Variants in AADAC observed in about 807,000 individuals in gnomAD.
AADAC encodes arylacetamide deacetylase, also known as arylacetamide deacetylase (esterase).
A neutral mutation model predicts 22.7 loss-of-function variants in AADAC; 17 were observed. The observed-to-expected ratio is 0.75, with a 90% confidence interval of 0.51 to 1.12. The LOEUF is 1.12. Among genes scored for constraint, AADAC ranks in the 50% most tolerant of loss-of-function variants. The pLI is 0.00. For missense variants in AADAC, 465 were observed against 473.9 expected (o/e 0.98, Z 0.17); for synonymous variants, 167 against 176.3 (o/e 0.95, Z 0.42).
rs187244064 is a variant in AADAC, at chr3:151,824,112, T to C, written c.432-551T>C. On this transcript the variant is annotated intron_variant, in intron 3 of 4. Transcript: ENST00000232892. The stretch of plus-strand genomic sequence containing the variant: ...AGCCCTTGCAACCATCTTTTCACTC[T>C]GATTCTATGAATTTGACTATTTTAG... Among the ~76,000 whole-genome samples, 9 of 152,126 alleles carry C rather than the reference T, an allele frequency of 5.9e-5. No individual in the cohort carries two copies. The East Asian group carries it at 1.7e-3, about 29-fold the overall frequency.
intron 2 of AADAC, among the ~76,000 whole-genome samples, 176 bp downstream of exon 2, chr3:151,817,764 T>C (rs16863681): frequency 6.6e-6 from 1 of 151,978 alleles, no homozygotes; most frequent in African/African-American, 2.4e-5. Context: ...CTTTTCCACA[T>C]ATGCATTTCC....
intron 2 of AADAC, among the ~76,000 whole-genome samples, chr3:151,819,639 T>G (rs561332505): frequency 6.6e-6 from 1 of 151,992 alleles, no homozygotes; most frequent in Non-Finnish European, 1.5e-5. Flanking sequence ...TAGAAATATG[T>G]TAGCCAAGTA....
rs1264002804 is a variant in AADAC, at chr3:151,827,711, G to A, written c.739G>A (p.Val247Ile). 6.2e-7 allele frequency: 1 copy of A among 1,612,916 alleles called. No individual in the cohort carries two copies. The highest frequency in any genetic ancestry group is 1.3e-5 in the African/African-American group (1 of 74,922). Residue 247 changes from valine (V) to isoleucine (I), a missense_variant, in exon 5 of 5, where the codon GTC (valine) becomes ATC (isoleucine). Physicochemically the swap from Val to Ile is conservative, Grantham distance 29. Coordinates refer to ENST00000232892, the MANE Select transcript of AADAC (RefSeq NM_001086.3). ...NFLFLSKSLM[V>I]RFWSEYFTTD... is the part of the protein sequence containing the mutation. ...TCTATTTCTATCCAAATCACTCATG[G>A]TCAGATTCTGGAGTGAATATTTTAC... is the stretch of plus-strand genomic sequence containing the variant.
Position 151,820,519 on chromosome 3 carries a change from T to TTC in AADAC, c.431+68_431+69insCT. 4 of 882,460 alleles carry TTC rather than the reference T, an allele frequency of 4.5e-6. No homozygotes were observed. The East Asian group carries it at 1.1e-4, about 25-fold the overall frequency. 54.7% of individuals were successfully genotyped at this position (882,460 alleles called of 1,614,324 possible). On this transcript the variant is annotated intron_variant, in intron 3 of 4. Coordinates refer to ENST00000232892, the MANE Select transcript of AADAC (RefSeq NM_001086.3). ...ATGCCAAGATTTTCTCAGCTTTCTT[T>TTC]TTTTTTTTTTTTTTTTGTGATGGAG...
At chr3:151,824,606 A>G in intron 3 of AADAC, 57 bp from the exon 4 acceptor site, 1 of 1,305,652 alleles carries the variant, frequency 7.7e-7, no homozygotes, top group Non-Finnish European at 9.9e-7. Context: ...CCAATAATAT[A>G]TTACAGTCTA....
At position 151,827,818 on chromosome 3, in the gene AADAC, T is replaced by C. The variant is rs146990427; in HGVS notation, c.846T>C (p.Asn282=). The change falls in exon 5 of 5, where the codon AAT becomes AAC. Residue 282 remains asparagine (N), a synonymous_variant. Transcript: ENST00000232892. The part of the protein sequence containing the change: ...VESSHLFKFV[N]WSSLLPERFI... ...CAAGTCATCTCTTCAAATTTGTTAA[T>C]TGGAGTTCCCTGCTCCCTGAGAGGT... 1.9e-6 allele frequency: 3 copies of C among 1,613,298 alleles called. No homozygotes were observed. In the South Asian group the frequency reaches 3.3e-5, roughly 18 times the overall value.
In AADAC at chr3:151,817,427, G is replaced by A. The variant is rs377556516; in HGVS notation, c.200G>A (p.Ser67Asn). 5.6e-6 allele frequency: 9 copies of A among 1,613,620 alleles called. 2 individuals carry two copies. The highest frequency in any genetic ancestry group is 1.7e-5 in the Admixed American group (1 of 59,974). ...HFMDSFKVVG[S>N]FDEVPPTSDE... ...ATGGATTCCTTTAAGGTTGTCGGGA[G>A]CTTTGATGAAGTCCCACCAACCTCA... Residue 67 changes from serine to asparagine, a missense_variant, in exon 2 of 5, where the codon AGC (serine) becomes AAC (asparagine). Ser to Asn is a conservative substitution (Grantham distance 46). Coordinates refer to ENST00000232892, the MANE Select transcript of AADAC (RefSeq NM_001086.3).
intron 3 of AADAC, among the ~76,000 whole-genome samples, chr3:151,822,129 C>G (rs1298278420): frequency 6.6e-6 from 1 of 151,728 alleles, no homozygotes; most frequent in African/African-American, 2.4e-5. Context: ...CAATGAAATA[C>G]CACTTCACAC....
rs1716398266 is a variant in AADAC, at chr3:151,824,656, T to C, written c.432-7T>C. ...AAAAATGTGTAAACTATGTTTTCTCTCTACAGCTACAGATTAGCACCTAAG... is the reference window on the plus strand; with the variant it reads ...AAAAATGTGTAAACTATGTTTTCTCCCTACAGCTACAGATTAGCACCTAAG... On this transcript the variant is annotated splice_region_variant and splice_polypyrimidine_tract_variant and intron_variant, in intron 3 of 4. Transcript: ENST00000232892. The C allele has an allele frequency of 6.5e-7, 1 of 1,528,682 alleles. No individual in the cohort carries two copies. The highest frequency in any genetic ancestry group is 8.8e-7 in the Non-Finnish European group (1 of 1,139,754). 94.7% of individuals were successfully genotyped at this position (1,528,682 alleles called of 1,614,324 possible). A position where few individuals can be genotyped will look rare whatever the true frequency, so the allele number is the denominator to read the frequency against.
intron 3 of AADAC, among the ~76,000 whole-genome samples, chr3:151,820,696 T>TTTTTTTTTTTTTTTTTTTTTTTTGAGA (rs1448106031): frequency 1.1e-5 from 1 of 90,988 alleles, no homozygotes; most frequent in African/African-American, 3.9e-5. Flanking sequence ...TTTTTTATTT[T>TTTTTTTTTTTTTTTTTTTTTTTTGAGA]CGGTAGAGAT....
chr3:151,820,478 T>G (rs1716196043), intron 3 of AADAC, 26 bp downstream of exon 3: 1 of 1,413,018 alleles, frequency 7.1e-7, no homozygotes, highest in Non-Finnish European at 9.5e-7. Flanking sequence ...TTTGGTTTCC[T>G]GGCCAGATGT....
chr3:151,822,232 G>C lies in AADAC; in HGVS notation c.431+1780G>C, dbSNP rs934348895. ...ATCAGAATCCTCTATACTGCTGGTGGGAATAAACACTTCGGCAGCTCCTTA... is the reference window on the plus strand; with the variant it reads ...ATCAGAATCCTCTATACTGCTGGTGCGAATAAACACTTCGGCAGCTCCTTA... On this transcript the variant is annotated intron_variant, in intron 3 of 4. Transcript: ENST00000232892. Among the ~76,000 whole-genome samples the C allele has an allele frequency of 2.6e-5, 4 of 151,860 alleles. No homozygotes were observed. The East Asian group carries it at 7.7e-4, about 29-fold the overall frequency.
chr3:151,828,113 C>T lies in AADAC; in HGVS notation c.1141C>T (p.Leu381Phe), dbSNP rs1716587285. The T allele has an allele frequency of 6.2e-7, 1 of 1,608,142 alleles. No homozygotes were observed. Among genetic ancestry groups the T allele is most frequent in the Non-Finnish European group, 8.5e-7 (1 of 1,176,124 alleles). Residue 381 changes from leucine (L) to phenylalanine (F), a missense_variant, in exon 5 of 5, where the codon CTT (leucine) becomes TTT (phenylalanine). Transcript: ENST00000232892. The part of the protein sequence containing the change: ...GFHGAFSFLG[L>F]KISHRLINQY... ...CCATGGAGCATTTTCATTTCTGGGA[C>T]TTAAAATTAGTCACAGACTTATAAA...
chr3:151,815,627 C>T (rs541900565), intron 1 of AADAC, among the ~76,000 whole-genome samples: 9 of 151,524 alleles, frequency 5.9e-5, no homozygotes, highest in Non-Finnish European at 1.2e-4. Flanking sequence ...TTTATTTAAG[C>T]AATTATATAT....
At position 151,828,386 on chromosome 3, in the gene AADAC, AC is replaced by A; in HGVS notation, c.*215del. The A allele has an allele frequency of 3.1e-6, 1 of 322,852 alleles. No individual in the cohort carries two copies. The highest frequency in any genetic ancestry group is 5.6e-6 in the Non-Finnish European group (1 of 178,420). 20.0% of individuals were successfully genotyped at this position (322,852 alleles called of 1,614,324 possible). On this transcript the variant is annotated 3_prime_UTR_variant, in exon 5 of 5. Transcript: ENST00000232892. Reference sequence around the variant, plus strand: ...CTTTTTCTGAGATTTTCCTTCTTACACTGTTAATCTTATTTTAAAAAATATT... The same window carrying A: ...CTTTTTCTGAGATTTTCCTTCTTACATGTTAATCTTATTTTAAAAAATATT...
chr3:151,827,687 C>A lies in AADAC; in HGVS notation c.715C>A (p.Leu239Ile). ...GTCATATCAAGAAAATTCAAATTTT[C>A]TATTTCTATCCAAATCACTCATGGT... ...LPSYQENSNF[L>I]FLSKSLMVRF... Residue 239 changes from leucine to isoleucine, a missense_variant, in exon 5 of 5, where the codon CTA (leucine) becomes ATA (isoleucine). Physicochemically the swap from Leu to Ile is conservative, Grantham distance 5. Transcript: ENST00000232892. 3.1e-6 allele frequency: 5 copies of A among 1,612,712 alleles called. No individual in the cohort carries two copies. The highest frequency in any genetic ancestry group is 4.2e-6 in the Non-Finnish European group (5 of 1,179,062).
At chr3:151,820,163 G>A (rs1016260908) in intron 2 of AADAC, among the ~76,000 whole-genome samples, 5 of 152,006 alleles carry the variant, frequency 3.3e-5, no homozygotes, top group African/African-American at 1.2e-4. Flanking sequence ...AAAGATAAAA[G>A]GGAGGAAGAG....
At position 151,820,404 on chromosome 3, in the gene AADAC, T is replaced by C. The variant is rs1470625793; in HGVS notation, c.383T>C (p.Leu128Pro). The C allele has an allele frequency of 1.9e-6, 3 of 1,587,414 alleles. No individual in the cohort carries two copies. The highest frequency in any genetic ancestry group is 2.6e-6 in the Non-Finnish European group (3 of 1,164,720). Reference protein sequence around the residue: ...GSAALSGYDLLSRWTADRLDA... With the variant: ...GSAALSGYDLPSRWTADRLDA... ...TCAGCTCTAAGTGGTTATGACTTGCTGTCAAGATGGACAGCAGACAGACTT... is the reference window on the plus strand; with the variant it reads ...TCAGCTCTAAGTGGTTATGACTTGCCGTCAAGATGGACAGCAGACAGACTT... The change falls in exon 3 of 5, where the codon CTG becomes CCG. Residue 128 changes from leucine to proline, a missense_variant. By Grantham distance (98) the Leu-to-Pro change is moderately conservative. Coordinates refer to ENST00000232892, the MANE Select transcript of AADAC (RefSeq NM_001086.3).
At position 151,828,046 on chromosome 3, in the gene AADAC, C is replaced by T. The variant is rs1716583743; in HGVS notation, c.1074C>T (p.Asn358=). The part of the protein sequence containing the change: ...DGLMYVTRLR[N]TGVQVTHNHV... The stretch of plus-strand genomic sequence containing the variant: ...TCATGTATGTCACCCGACTTCGCAA[C>T]ACTGGGGTTCAGGTGACTCATAACC... The change falls in exon 5 of 5, where the codon AAC becomes AAT. Residue 358 remains asparagine (N), a synonymous_variant. Coordinates refer to ENST00000232892, the MANE Select transcript of AADAC (RefSeq NM_001086.3). 6.2e-7 allele frequency: 1 copy of T among 1,613,288 alleles called. No homozygotes were observed. Among genetic ancestry groups the T allele is most frequent in the Non-Finnish European group, 8.5e-7 (1 of 1,179,424 alleles).
Sources: allele counts gnomAD v4.1 joint callset (sites outside exome capture counted in the v4.1 genomes callset), GRCh38; gene constraint gnomAD v4.1.1; transcripts MANE v1.5; gene names NCBI Gene and HGNC (gene_info 2026-07-23, HGNC 2026-07-21).